NSUN4: variants seen among roughly 807,000 people sequenced by gnomAD.
NSUN4 encodes NOP2/Sun RNA methyltransferase 4.
Under a neutral mutation model 43.8 loss-of-function variants are expected in NSUN4, and 31 were observed. The ratio of observed to expected loss-of-function variants is 0.71; its 90% CI spans 0.53 to 0.96. NSUN4 has a LOEUF of 0.96. Among genes scored for constraint, NSUN4 ranks in the 40% least tolerant of loss-of-function variants. The probability of loss-of-function intolerance (pLI) is 0.00; values close to 1 mark genes in which losing one functional copy is unlikely to be tolerated. For missense variants in NSUN4, 439 were observed against 475.6 expected (o/e 0.92, Z 0.72); for synonymous variants, 167 against 184.1 (o/e 0.91, Z 0.75).
intron 3 of NSUN4, among the ~76,000 whole-genome samples, chr1:46,349,566 C>T (rs1662830046): frequency 6.6e-6 from 1 of 152,230 alleles, no homozygotes; most frequent in Admixed American, 6.5e-5. Context: ...GGAGCTCAGC[C>T]AGGCTTCTCT....
intron 3 of NSUN4, among the ~76,000 whole-genome samples, chr1:46,350,371 TA>T (rs950722016): frequency 1.1e-4 from 16 of 150,738 alleles, no homozygotes; most frequent in Non-Finnish European, 2.2e-4. Flanking sequence ...TTCATTAAAA[TA>T]AAAAAAAAGG....
chr1:46,357,024 T>C (rs1049568090), intron 4 of NSUN4, among the ~76,000 whole-genome samples: 4 of 152,190 alleles, frequency 2.6e-5, no homozygotes, highest in African/African-American at 9.7e-5. Flanking sequence ...CTGGCACGAC[T>C]GGTTATTTAT....
At position 46,360,814 on chromosome 1, in the gene NSUN4, A is replaced by G; in HGVS notation, c.864A>G (p.Gln288=). ...AGCGACAGATATTGCCTGTGCTGCA[A>G]GTGCAGCTTCTTGCGTGAGTGACAG... ...KKERQILPVL[Q]VQLLAAGLLA... The change falls in exon 5 of 6, where the codon CAA becomes CAG. Residue 288 remains glutamine, a synonymous_variant. Coordinates refer to ENST00000474844, the MANE Select transcript of NSUN4 (RefSeq NM_199044.4). 6.2e-7 allele frequency: 1 copy of G among 1,613,902 alleles called. No homozygotes were observed. Among genetic ancestry groups the G allele is most frequent in the Non-Finnish European group, 8.5e-7 (1 of 1,179,830 alleles).
the NSUN4 span, among the ~76,000 whole-genome samples, chr1:46,375,642 T>C: frequency 2.5e-4 from 35 of 139,446 alleles, no homozygotes; most frequent in Non-Finnish European, 3.0e-5. Context: ...AAGGCTGAGG[T>C]GGGAGGATGG....
the NSUN4 span, among the ~76,000 whole-genome samples, chr1:46,377,861 A>G: frequency 6.6e-6 from 1 of 152,188 alleles, no homozygotes; most frequent in Non-Finnish European, 1.5e-5. Flanking sequence ...CTAACCCCAT[A>G]GTTTCAAACA....
chr1:46,345,256 G>A, intron 2 of NSUN4, 112 bp downstream of exon 2: 1 of 783,870 alleles, frequency 1.3e-6, no homozygotes, highest in Non-Finnish European at 2.0e-6. Flanking sequence ...TAATATTTAT[G>A]GCATGTTTAT....
intron 4 of NSUN4, among the ~76,000 whole-genome samples, chr1:46,354,675 A>G: frequency 7.2e-6 from 1 of 139,498 alleles, no homozygotes. Flanking sequence ...TTTTTTTTTG[A>G]GACAGTTTTG....
At chr1:46,381,959 G>C in the NSUN4 span, among the ~76,000 whole-genome samples, 161 of 152,324 alleles carry the variant, frequency 1.1e-3, 2 homozygotes, top group South Asian at 0.017. Flanking sequence ...AGACAGAAAC[G>C]CGAGGATTTG....
At chr1:46,366,458 C>T (rs959046206), downstream of NSUN4, among the ~76,000 whole-genome samples, 1 of 151,874 alleles carries the variant, frequency 6.6e-6, no homozygotes, top group Non-Finnish European at 1.5e-5. Context: ...AAAAGTTATA[C>T]ATAAAAATTT....
rs1664043053 is a variant in NSUN4 at position 46,364,158 on chromosome 1, A to AAT, written c.*2313_*2314insTA. The AAT allele has an allele frequency of 6.6e-6, 1 of 150,606 alleles. No homozygotes were observed. The highest frequency in any genetic ancestry group is 1.5e-5 in the Non-Finnish European group (1 of 67,682). The allele number at this position is 150,606 out of a possible 1,614,324, so 9.3% of individuals were successfully genotyped here. On this transcript the variant is annotated 3_prime_UTR_variant, in exon 6 of 6. Coordinates refer to ENST00000474844, the MANE Select transcript of NSUN4 (RefSeq NM_199044.4). ...GTCTTTACCAAAAAAAAAAAAAAAA[A>AAT]AATTAGCTGGGTGCGCTGGCATGTG...
chr1:46,344,729 G>A (rs1184866573), intron 1 of NSUN4, 72 bp from the exon 2 acceptor site: 11 of 1,359,512 alleles, frequency 8.1e-6, no homozygotes, highest in Admixed American at 1.9e-5. Flanking sequence ...CCTAGGCTCT[G>A]AGGTGGGGGT....
At chr1:46,352,523 G>A (rs1663074501) in intron 3 of NSUN4, among the ~76,000 whole-genome samples, 1 of 150,866 alleles carries the variant, frequency 6.6e-6, no homozygotes, top group African/African-American at 2.4e-5. Flanking sequence ...AGGGGAGAGG[G>A]AAAGGAGAGA....
the NSUN4 span, among the ~76,000 whole-genome samples, chr1:46,383,290 G>T: frequency 6.6e-6 from 1 of 151,746 alleles, no homozygotes; most frequent in Non-Finnish European, 1.5e-5. Flanking sequence ...GTTTGTCCTG[G>T]GCTGGCGCAC....
chr1:46,354,110 GT>G (rs56407189), intron 4 of NSUN4, among the ~76,000 whole-genome samples: 36 of 147,628 alleles, frequency 2.4e-4, no homozygotes, highest in East Asian at 4.0e-4. Context: ...TTTTTTTAAA[GT>G]TTTTTTTTTT....
intron 4 of NSUN4, among the ~76,000 whole-genome samples, chr1:46,356,762 T>C (rs1663408115): frequency 6.6e-6 from 1 of 151,876 alleles, no homozygotes; most frequent in African/African-American, 2.4e-5. Context: ...ACTCCATCCT[T>C]CTCCCGCTCC....
the NSUN4 span, among the ~76,000 whole-genome samples, chr1:46,374,319 A>C: frequency 6.9e-6 from 1 of 144,898 alleles, no homozygotes; most frequent in Non-Finnish European, 1.5e-5. Context: ...AAAAATAGAG[A>C]TCTGTTGTGG....
In NSUN4 at chr1:46,349,434, C is replaced by CT. The variant is rs1662819902; in HGVS notation, c.592+2360dup. 3.3e-5 allele frequency among the ~76,000 whole-genome samples: 5 copies of CT among 152,360 alleles called. No homozygotes were observed. The South Asian group carries it at 1.0e-3, about 32-fold the overall frequency. The stretch of plus-strand genomic sequence containing the variant: ...GGATTACAGGCGTGAGCCACCGCGC[C>CT]TGGCGCCTTGTGCACTGTTAAGTAC... On this transcript the variant is annotated intron_variant, in intron 3 of 5. Coordinates refer to ENST00000474844, the MANE Select transcript of NSUN4 (RefSeq NM_199044.4).
chr1:46,353,166 G>GT (rs1663129131), intron 4 of NSUN4, 138 bp downstream of exon 4: 1 of 662,352 alleles, frequency 1.5e-6, no homozygotes, highest in African/African-American at 1.8e-5. Context: ...TTCTACATTG[G>GT]TGATTTGACC....
At chr1:46,369,381 T>C (rs1041106106), downstream of NSUN4, among the ~76,000 whole-genome samples, 2 of 152,202 alleles carry the variant, frequency 1.3e-5, no homozygotes, top group Non-Finnish European at 2.9e-5. Flanking sequence ...GGCTTAACTG[T>C]AGACGCTAGA....
Sources: gnomAD v4.1 joint callset for allele counts (sites outside exome capture counted in the v4.1 genomes callset) on GRCh38, gnomAD v4.1.1 for gene constraint, MANE v1.5 for transcripts, NCBI Gene and HGNC (gene_info 2026-07-23, HGNC 2026-07-21) for gene names.